The following KCNH8 variants were observed in gnomAD, a reference collection of about 807,000 sequenced individuals.
KCNH8 encodes voltage-gated delayed rectifier potassium channel KCNH8.
A neutral mutation model predicts 103.6 loss-of-function variants in KCNH8; 70 were observed. The ratio of observed to expected loss-of-function variants is 0.68; its 90% CI spans 0.56 to 0.82. The LOEUF is 0.82. Ranked by LOEUF, KCNH8 falls within the 40% of genes least tolerant of loss-of-function variation. The pLI is 0.00. For synonymous variants in KCNH8, 498 were observed against 489.4 expected (o/e 1.02, Z -0.23); for missense variants, 1,217 against 1,329.9 (o/e 0.92, Z 1.32).
At chr3:19,164,107 A>G (rs1042817811) in intron 1 of KCNH8, among the ~76,000 whole-genome samples, 1 of 152,176 alleles carries the variant, frequency 6.6e-6, no homozygotes, top group African/African-American at 2.4e-5. Context: ...CTGATATAAC[A>G]CTGATATCTC....
At chr3:19,359,158 A>G (rs2065916959) in intron 5 of KCNH8, among the ~76,000 whole-genome samples, 1 of 151,484 alleles carries the variant, frequency 6.6e-6, no homozygotes. Context: ...CTAATACAAA[A>G]TTACTAGAGG....
intron 3 of KCNH8, among the ~76,000 whole-genome samples, chr3:19,340,336 ATTTTTTTTATT>A (rs1411658978): frequency 1.5e-5 from 2 of 130,040 alleles, no homozygotes; most frequent in Non-Finnish European, 3.2e-5. Context: ...GATTCAATTT[ATTTTTTTTATT>A]TTTTTTTTAA....
chr3:19,245,431 G>A (rs2125247708), intron 1 of KCNH8, among the ~76,000 whole-genome samples: 1 of 152,072 alleles, frequency 6.6e-6, no homozygotes, highest in South Asian at 2.1e-4. Flanking sequence ...AGATTATTTT[G>A]GCTATTTGAG....
intron 3 of KCNH8, among the ~76,000 whole-genome samples, chr3:19,293,216 G>C (rs972965472): frequency 6.6e-6 from 1 of 152,104 alleles, no homozygotes; most frequent in African/African-American, 2.4e-5. Flanking sequence ...GTAAAGTTCA[G>C]GGCCATCTGG....
chr3:19,174,990 A>G (rs1454322326), intron 1 of KCNH8, among the ~76,000 whole-genome samples: 1 of 152,186 alleles, frequency 6.6e-6, no homozygotes. Context: ...CCAATTAGTC[A>G]GAATATGAAG....
chr3:19,271,837 C>T (rs537582813), intron 2 of KCNH8, among the ~76,000 whole-genome samples: 6 of 152,252 alleles, frequency 3.9e-5, no homozygotes, highest in Admixed American at 3.3e-4. Flanking sequence ...CATCTAAATC[C>T]TGCATGTTCC....
At chr3:19,409,967 G>A (rs528805081) in intron 7 of KCNH8, among the ~76,000 whole-genome samples, 11 of 151,942 alleles carry the variant, frequency 7.2e-5, no homozygotes, top group Admixed American at 1.3e-4. Flanking sequence ...AGTTCATCAC[G>A]GCAGAAAACC....
intron 5 of KCNH8, among the ~76,000 whole-genome samples, chr3:19,378,820 G>C (rs1351515524): frequency 1.3e-5 from 2 of 152,164 alleles, no homozygotes; most frequent in Admixed American, 1.3e-4. Flanking sequence ...ACAAACTTCA[G>C]AGCCTAATAT....
At chr3:19,404,356 C>T (rs1323835625) in intron 7 of KCNH8, among the ~76,000 whole-genome samples, 2 of 151,972 alleles carry the variant, frequency 1.3e-5, no homozygotes, top group Non-Finnish European at 2.9e-5. Flanking sequence ...GGCTCTTAAA[C>T]ATCTTAGGCT....
intron 2 of KCNH8, among the ~76,000 whole-genome samples, chr3:19,265,452 A>G (rs930658428): frequency 6.6e-6 from 1 of 152,028 alleles, no homozygotes; most frequent in Non-Finnish European, 1.5e-5. Context: ...GTGGCCTTGT[A>G]CATCATAACC....
At chr3:19,373,073 T>A (rs1349201079) in intron 5 of KCNH8, among the ~76,000 whole-genome samples, 1 of 151,994 alleles carries the variant, frequency 6.6e-6, no homozygotes, top group Non-Finnish European at 1.5e-5. Flanking sequence ...TAAAATTCTC[T>A]TTTTTGGTTG....
intron 11 of KCNH8, among the ~76,000 whole-genome samples, chr3:19,499,793 T>G (rs1173502299): frequency 6.6e-6 from 1 of 152,024 alleles, no homozygotes; most frequent in Non-Finnish European, 1.5e-5. Context: ...AAGGAAGCGC[T>G]AAACATGGAA....
At chr3:19,515,289 C>T (rs2068854681) in intron 13 of KCNH8, 33 bp from the exon 14 acceptor site, 1 of 1,215,798 alleles carries the variant, frequency 8.2e-7, no homozygotes, top group Admixed American at 2.1e-5. Flanking sequence ...GAATATGAAT[C>T]CACAGCCAGC....
rs565443812 is a variant in KCNH8, at chr3:19,301,479, A to G, written c.442+20150A>G. ...AGAACTAAGGAAATCCATCATTAAT[A>G]GGCTTATTTAAGAAAAACCATCTTT... On this transcript the variant is annotated intron_variant, in intron 3 of 15. Transcript: ENST00000328405. Among the ~76,000 whole-genome samples the G allele has an allele frequency of 1.7e-3, 265 of 152,070 alleles. 1 individual carries two copies. The highest frequency in any genetic ancestry group is 5.9e-3 in the African/African-American group (247 of 41,518).
intron 1 of KCNH8, among the ~76,000 whole-genome samples, chr3:19,237,778 G>A (rs1012539612): frequency 1.3e-5 from 2 of 152,208 alleles, no homozygotes; most frequent in Admixed American, 6.5e-5. Flanking sequence ...AAAGGCTAAT[G>A]TATATGCAGG....
chr3:19,367,633 A>T (rs2066031592), intron 5 of KCNH8, among the ~76,000 whole-genome samples: 2 of 151,854 alleles, frequency 1.3e-5, no homozygotes, highest in African/African-American at 4.8e-5. Flanking sequence ...ATGTCTCCTT[A>T]CCAGCATAGT....
intron 5 of KCNH8, among the ~76,000 whole-genome samples, chr3:19,354,010 TA>T (rs1431594556): frequency 6.6e-6 from 1 of 152,208 alleles, no homozygotes; most frequent in Non-Finnish European, 1.5e-5. Flanking sequence ...AAAATCTCGT[TA>T]AGCTGATAAG....
intron 1 of KCNH8, among the ~76,000 whole-genome samples, chr3:19,215,125 G>A (rs189954610): frequency 7.9e-5 from 12 of 152,322 alleles, no homozygotes; most frequent in Admixed American, 2.6e-4. Flanking sequence ...GTTCCTTGAA[G>A]TGAGTCTGCA....
intron 2 of KCNH8, among the ~76,000 whole-genome samples, chr3:19,264,152 A>G (rs754242098): frequency 5.9e-5 from 9 of 152,052 alleles, no homozygotes; most frequent in Admixed American, 5.2e-4. Context: ...AATATTTTAT[A>G]TTTGCCTCTT....
Sources: gnomAD v4.1 joint callset for allele counts (sites outside exome capture counted in the v4.1 genomes callset) on GRCh38, gnomAD v4.1.1 for gene constraint, MANE v1.5 for transcripts, NCBI Gene and HGNC (gene_info 2026-07-23, HGNC 2026-07-21) for gene names.